The following SLC38A8 variants were observed in gnomAD, a reference collection of about 807,000 sequenced individuals.
The protein encoded by SLC38A8 is solute carrier family 38 member 8.
A neutral mutation model predicts 46.0 loss-of-function variants in SLC38A8; 65 were observed. That is an observed-to-expected ratio of 1.41 (90% CI 1.16 to 1.74). SLC38A8 has a LOEUF of 1.74. Ranked by LOEUF, SLC38A8 falls within the 40% of genes most tolerant of loss-of-function variation. The probability of loss-of-function intolerance (pLI) is 0.00; values close to 1 mark genes in which losing one functional copy is unlikely to be tolerated. For synonymous variants in SLC38A8, 447 were observed against 243.7 expected, an observed-to-expected ratio of 1.83 and a Z score of -7.77; for missense variants, 998 against 567.9, an observed-to-expected ratio of 1.76 and a Z score of -7.70.
intron 9 of SLC38A8, among the ~76,000 whole-genome samples, chr16:84,015,847 A>ACCTACCATGGAT (rs2085018838): frequency 6.6e-6 from 1 of 152,196 alleles, no homozygotes; most frequent in South Asian, 2.1e-4. Flanking sequence ...CTGTGATTAC[A>ACCTACCATGGAT]GGCATACACC....
chr16:84,029,114 CAG>C (rs2085205153), intron 6 of SLC38A8, among the ~76,000 whole-genome samples: 1 of 152,134 alleles, frequency 6.6e-6, no homozygotes, highest in South Asian at 2.1e-4. Flanking sequence ...ACTGTCCTGC[CAG>C]AGTTAGGTGG....
chr16:84,012,405 T>C (rs1010799055), intron 10 of SLC38A8, among the ~76,000 whole-genome samples: 3 of 152,214 alleles, frequency 2.0e-5, no homozygotes, highest in African/African-American at 7.2e-5. Flanking sequence ...ATCCAAATTA[T>C]CTGGTCTCAA....
At chr16:84,017,316 G>C in intron 7 of SLC38A8, 29 bp from the exon 8 acceptor site, 2 of 1,612,482 alleles carry the variant, frequency 1.2e-6, no homozygotes, top group South Asian at 1.1e-5. Context: ...GGAAGCCACA[G>C]AGTGGATTAG....
Position 84,041,951 on chromosome 16 carries a change from C to T in SLC38A8, c.189+18G>A. 1.2e-5 allele frequency: 19 copies of T among 1,557,420 alleles called. No homozygotes were observed. Among genetic ancestry groups the T allele is most frequent in the Non-Finnish European group, 1.7e-5 (19 of 1,151,060 alleles). On this transcript the variant is annotated intron_variant, in intron 2 of 10. Coordinates refer to ENST00000299709, the MANE Select transcript of SLC38A8 (RefSeq NM_001080442.3). ...CCACCTCGTACCCGTCCCCAGGACT[C>T]ACTTCCCGGGGACTTACCAGCTCCA... is the stretch of plus-strand genomic sequence containing the variant.
intron 7 of SLC38A8, among the ~76,000 whole-genome samples, chr16:84,019,046 A>C (rs9935658): frequency 0.11 from 17,454 of 151,954 alleles, 1,711 homozygotes; most frequent in African/African-American, 0.27. Context: ...GAGTCAAGTC[A>C]GCTAGCTCTT....
chr16:84,017,484 G>A (rs1448357821), intron 7 of SLC38A8, among the ~76,000 whole-genome samples, 197 bp from the exon 8 acceptor site: 1 of 152,218 alleles, frequency 6.6e-6, no homozygotes, highest in Non-Finnish European at 1.5e-5. Flanking sequence ...CAAGACCCCT[G>A]CAGACAAATC....
chr16:84,022,450 T>G (rs755035833), intron 7 of SLC38A8, among the ~76,000 whole-genome samples: 1 of 152,162 alleles, frequency 6.6e-6, no homozygotes, highest in Non-Finnish European at 1.5e-5. Context: ...CGGACAGCAG[T>G]CAATGTCCTT....
chr16:84,022,516 C>T (rs1045501506), intron 7 of SLC38A8, among the ~76,000 whole-genome samples: 10 of 152,184 alleles, frequency 6.6e-5, no homozygotes, highest in South Asian at 2.1e-4. Context: ...GCTTTGGAGA[C>T]GGCTAGGCTG....
rs569660925 is a variant in SLC38A8 at position 84,036,741 on chromosome 16, C to T, written c.349G>A (p.Val117Met). Residue 117 changes from valine to methionine, a missense_variant, in exon 3 of 11, where the codon GTG (valine) becomes ATG (methionine). Physicochemically the swap from Val to Met is conservative, Grantham distance 21. Coordinates refer to ENST00000299709, the MANE Select transcript of SLC38A8 (RefSeq NM_001080442.3). ...TCCCCGATCACCCTGAGGAAGGCCA[C>T]GGAGATCATGAGCAGGTTGAGGAGG... is the stretch of plus-strand genomic sequence containing the variant. ...CFLLNLLMIS[V>M]AFLRVIGDQL... 12 of 1,614,206 alleles carry T rather than the reference C, an allele frequency of 7.4e-6. No homozygotes were observed. In the East Asian group the frequency reaches 1.1e-4, roughly 15 times the overall value.
At chr16:84,025,087 C>G (rs2085146056) in intron 6 of SLC38A8, among the ~76,000 whole-genome samples, 1 of 152,144 alleles carries the variant, frequency 6.6e-6, no homozygotes, top group South Asian at 2.1e-4. Flanking sequence ...TCACGAACAG[C>G]CAAGAGAATA....
In SLC38A8 at chr16:84,036,703, C is replaced by A; in HGVS notation, c.387G>T (p.Lys129Asn). 1 of 1,614,140 alleles carries A rather than the reference C, an allele frequency of 6.2e-7. No homozygotes were observed. Among genetic ancestry groups the A allele is most frequent in the Non-Finnish European group, 8.5e-7 (1 of 1,180,038 alleles). ...CCCGAGTCCCATGAAGGTACTTACG[C>A]TTCTCCAGCTGGTCCCCGATCACCC... ...FLRVIGDQLEKLCDSLLSGTP... is the reference protein window; with the variant it reads ...FLRVIGDQLENLCDSLLSGTP... The change falls in exon 3 of 11, where the codon AAG becomes AAT. Residue 129 changes from lysine (K) to asparagine (N), a missense_variant and splice_region_variant. Coordinates refer to ENST00000299709, the MANE Select transcript of SLC38A8 (RefSeq NM_001080442.3).
chr16:84,035,653 G>T (rs2085292288), intron 3 of SLC38A8, among the ~76,000 whole-genome samples: 1 of 152,202 alleles, frequency 6.6e-6, no homozygotes, highest in Admixed American at 6.5e-5. Flanking sequence ...GTCAAAGAAT[G>T]AGAAGAGAAC....
chr16:84,034,479 A>T (rs1389507248), intron 3 of SLC38A8, among the ~76,000 whole-genome samples: 1 of 151,976 alleles, frequency 6.6e-6, no homozygotes, highest in East Asian at 1.9e-4. Context: ...TGGAGGTGGG[A>T]GCCACTGGGA....
intron 9 of SLC38A8, among the ~76,000 whole-genome samples, chr16:84,013,906 C>A (rs1397770227): frequency 6.6e-6 from 1 of 152,196 alleles, no homozygotes; most frequent in East Asian, 1.9e-4. Context: ...AATCTAACAG[C>A]CCAGACCAGG....
chr16:84,012,863 G>C (rs2084970375), intron 10 of SLC38A8, 138 bp downstream of exon 10: 3 of 960,774 alleles, frequency 3.1e-6, no homozygotes, highest in South Asian at 1.6e-5. Flanking sequence ...GGTAGACAGA[G>C]ACTCTCTTCC....
intron 3 of SLC38A8, 22 bp downstream of exon 3, chr16:84,036,680 C>A (rs113864490): frequency 3.1e-6 from 5 of 1,613,358 alleles, no homozygotes; most frequent in Admixed American, 3.3e-5. Flanking sequence ...TGGGCCACCC[C>A]GAGTCCCATG....
intron 2 of SLC38A8, among the ~76,000 whole-genome samples, chr16:84,040,299 T>A (rs1444970554): frequency 1.3e-5 from 2 of 152,244 alleles, no homozygotes; most frequent in African/African-American, 4.8e-5. Flanking sequence ...TGCTCTGCCA[T>A]GAGTTTCCAT....
intron 1 of SLC38A8, 22 bp from the exon 2 acceptor site, chr16:84,042,181 A>T (rs1353618441): frequency 6.3e-7 from 1 of 1,593,202 alleles, no homozygotes; most frequent in Non-Finnish European, 8.5e-7. Flanking sequence ...AGAGGGGTGG[A>T]GAGAAAGCAC....
chr16:84,013,434 T>TTGTTG (rs1555551877), intron 9 of SLC38A8, among the ~76,000 whole-genome samples: 23 of 126,984 alleles, frequency 1.8e-4, no homozygotes, highest in African/African-American at 6.2e-4. Context: ...GTTTTTTTTT[T>TTGTTG]TTTTTTTTTT....
Sources: allele counts gnomAD v4.1 joint callset (sites outside exome capture counted in the v4.1 genomes callset), GRCh38; gene constraint gnomAD v4.1.1; transcripts MANE v1.5; gene names NCBI Gene and HGNC (gene_info 2026-07-23, HGNC 2026-07-21).